AP4E1: variants seen among roughly 807,000 people sequenced by gnomAD.
AP4E1 encodes the protein adaptor related protein complex 4 subunit epsilon 1.
A neutral mutation model predicts 128.2 loss-of-function variants in AP4E1; 56 were observed. The observed-to-expected ratio is 0.44, with a 90% CI of 0.35 to 0.55. The LOEUF is 0.55. AP4E1 is among the 20% of genes least tolerant of loss of function. The probability of loss-of-function intolerance (pLI) is 0.00; values close to 1 mark genes in which losing one functional copy is unlikely to be tolerated. For missense variants in AP4E1, 1,324 were observed against 1,307.7 expected (o/e 1.01, Z -0.19); for synonymous variants, 484 against 473.1 (o/e 1.02, Z -0.30).
At chr15:50,912,792 A>G (rs2063580971) in intron 2 of AP4E1, among the ~76,000 whole-genome samples, 2 of 151,960 alleles carry the variant, frequency 1.3e-5, no homozygotes, top group Admixed American at 6.6e-5. Context: ...CCTCCTGAGT[A>G]ACTGGGACTA....
At position 50,993,259 on chromosome 15, in the gene AP4E1, A is replaced by G. The variant is rs545719182; in HGVS notation, c.2091-111A>G. On this transcript the variant is annotated intron_variant, in intron 16 of 20. Transcript: ENST00000261842. ...CTTCTGGTATATAGAATATAATGTG[A>G]CAGTTGTTTTTAAAAGGCCATGGGC... 7 of 1,106,218 alleles carry G rather than the reference A, an allele frequency of 6.3e-6. No homozygotes were observed. The African/African-American group carries it at 1.1e-4, about 17-fold the overall frequency. The allele number at this position is 1,106,218 out of a possible 1,614,324, so 68.5% of individuals were successfully genotyped here.
intron 13 of AP4E1, among the ~76,000 whole-genome samples, chr15:50,952,282 G>A (rs750872958): frequency 2.6e-5 from 4 of 151,830 alleles, no homozygotes; most frequent in Non-Finnish European, 4.4e-5. Flanking sequence ...ATGCCGAGGT[G>A]GGTGGATCAC....
At position 50,997,392 on chromosome 15, in the gene AP4E1, G is replaced by A. The variant is rs1358780836; in HGVS notation, c.2413G>A (p.Gly805Ser). ...RKSKVKEAKS[G>S]ETTSTHNMTC... ...ATCAAAAGTCAAAGAAGCTAAAAGT[G>A]GCGAAACAACCAGTACTCATAATAT... The change falls in exon 18 of 21, where the codon GGC becomes AGC. Residue 805 changes from glycine (G) to serine (S), a missense_variant. By Grantham distance (56) the Gly-to-Ser change is moderately conservative. Transcript: ENST00000261842. 2 of 1,606,588 alleles carry A rather than the reference G, an allele frequency of 1.2e-6. No individual in the cohort carries two copies. The highest frequency in any genetic ancestry group is 2.2e-5 in the South Asian group (2 of 89,010).
In AP4E1 at chr15:51,001,135, C is replaced by T. The variant is rs2140939455; in HGVS notation, c.3205C>T (p.Leu1069=). The change falls in exon 20 of 21, where the codon CTA becomes TTA. Residue 1069 remains leucine (L), a synonymous_variant. Coordinates refer to ENST00000261842, the MANE Select transcript of AP4E1 (RefSeq NM_007347.5). ...SESQAALPSA[L]KTLQQKLRLH... ...ATCTCAAGCTGCACTTCCTTCTGCA[C>T]TAAAGACTCTGCAACAGAAACTAAG... 3 of 1,613,612 alleles carry T rather than the reference C, an allele frequency of 1.9e-6. No individual in the cohort carries two copies. In the East Asian group the frequency reaches 6.7e-5, roughly 36 times the overall value.
chr15:50,993,314 A>G, intron 16 of AP4E1, 56 bp from the exon 17 acceptor site: 1 of 1,591,086 alleles, frequency 6.3e-7, no homozygotes. Context: ...ATGCCTCAAG[A>G]AAGTAACTAT....
intron 16 of AP4E1, among the ~76,000 whole-genome samples, chr15:50,985,468 A>G (rs2064707299): frequency 6.6e-6 from 1 of 152,154 alleles, no homozygotes; most frequent in African/African-American, 2.4e-5. Context: ...CTTTAATCCC[A>G]TCTTGAATTA....
At chr15:50,930,686 A>C in intron 6 of AP4E1, 119 bp from the exon 7 acceptor site, 1 of 1,026,838 alleles carries the variant, frequency 9.7e-7, no homozygotes, top group Non-Finnish European at 1.5e-6. Flanking sequence ...GCACTGTTTC[A>C]TTAAATGTGA....
At chr15:50,983,890 T>C in intron 15 of AP4E1, 132 bp from the exon 16 acceptor site, 1 of 797,046 alleles carries the variant, frequency 1.3e-6, no homozygotes, top group South Asian at 1.6e-5. Flanking sequence ...GATTAGATCA[T>C]CCTCAAAGTC....
intron 3 of AP4E1, among the ~76,000 whole-genome samples, chr15:50,920,597 A>G (rs2063689593): frequency 6.6e-6 from 1 of 151,134 alleles, no homozygotes; most frequent in Non-Finnish European, 1.5e-5. Context: ...ACGGGGTTTC[A>G]CCGTGTTAGC....
Position 50,947,510 on chromosome 15 carries a change from T to C in AP4E1, c.1177-510T>C, listed in dbSNP as rs1023532304. Among the ~76,000 whole-genome samples, 13 of 152,280 alleles carry C rather than the reference T, an allele frequency of 8.5e-5. No homozygotes were observed. The East Asian group carries it at 2.1e-3, about 25-fold the overall frequency. ...TTGAAGCATTTGAGCCACCAGTCTT[T>C]GTCCATCCAAACAAAACCTGATTGC... On this transcript the variant is annotated intron_variant, in intron 10 of 20. Transcript: ENST00000261842.
At chr15:50,986,790 T>G (rs915514378) in intron 16 of AP4E1, among the ~76,000 whole-genome samples, 145 of 152,176 alleles carry the variant, frequency 9.5e-4, no homozygotes, top group Middle Eastern at 3.4e-3. Flanking sequence ...GTGTCTCTGC[T>G]AGGCTTTGGT....
chr15:50,929,269 A>T, intron 6 of AP4E1, 101 bp downstream of exon 6: 1 of 1,249,804 alleles, frequency 8.0e-7, no homozygotes, highest in Non-Finnish European at 1.1e-6. Flanking sequence ...CTTAGTTAAC[A>T]TTTTATAATT....
At chr15:50,908,978 G>A (rs1247122600) in intron 1 of AP4E1, 50 bp downstream of exon 1, 3 of 1,603,214 alleles carry the variant, frequency 1.9e-6, no homozygotes, top group South Asian at 2.2e-5. Flanking sequence ...TGAGGCCCCC[G>A]CGCCAGGAGG....
chr15:50,908,941 C>G lies in AP4E1; in HGVS notation c.150+13C>G. 2 of 1,610,430 alleles carry G rather than the reference C, an allele frequency of 1.2e-6. No homozygotes were observed. The highest frequency in any genetic ancestry group is 1.7e-6 in the Non-Finnish European group (2 of 1,179,344). On this transcript the variant is annotated intron_variant, in intron 1 of 20. Coordinates refer to ENST00000261842, the MANE Select transcript of AP4E1 (RefSeq NM_007347.5). The stretch of plus-strand genomic sequence containing the variant: ...CACCTCCAAGCACGTAGGTGCCCGC[C>G]GGCCCGGGAGCTCAGGGACATCGGA...
Position 51,002,524 on chromosome 15 carries a change from T to C in AP4E1, c.3276T>C (p.Cys1092=), listed in dbSNP as rs770485576. 6.8e-6 allele frequency: 11 copies of C among 1,614,068 alleles called. No homozygotes were observed. In the African/African-American group the frequency reaches 1.5e-4, roughly 22 times the overall value. ...TAGGCAATGAAGGGCTATTGGCCTGTCAGCTGCTCCCATCCATCCCCTGCT... is the reference window on the plus strand; with the variant it reads ...TAGGCAATGAAGGGCTATTGGCCTGCCAGCTGCTCCCATCCATCCCCTGCT... ...EIIGNEGLLA[C]QLLPSIPCLL... The change falls in exon 21 of 21, where the codon TGT becomes TGC. Residue 1092 remains cysteine, a synonymous_variant. Coordinates refer to ENST00000261842, the MANE Select transcript of AP4E1 (RefSeq NM_007347.5).
chr15:50,942,112 T>A (rs2063996588), intron 10 of AP4E1, among the ~76,000 whole-genome samples: 1 of 152,168 alleles, frequency 6.6e-6, no homozygotes, highest in African/African-American at 2.4e-5. Flanking sequence ...AAACGGGGTT[T>A]CACCATATTG....
chr15:50,958,789 TTGG>T lies in AP4E1; in HGVS notation c.1851_1851+2del, dbSNP rs756464631. 6.2e-7 allele frequency: 1 copy of T among 1,614,108 alleles called. No homozygotes were observed. The highest frequency in any genetic ancestry group is 1.1e-5 in the South Asian group (1 of 91,072). On this transcript the variant is annotated inframe_deletion and splice_region_variant, in exon 14 of 21. Coordinates refer to ENST00000261842, the MANE Select transcript of AP4E1 (RefSeq NM_007347.5). The stretch of plus-strand genomic sequence containing the variant: ...TCCAGTTGACAGGAGTTGTGAAGAC[TTGG>T]TGGTAAGACATTGGTGTTCCATCTT...
intron 16 of AP4E1, among the ~76,000 whole-genome samples, chr15:50,991,266 C>T (rs551914787): frequency 5.1e-4 from 77 of 152,272 alleles, no homozygotes; most frequent in Non-Finnish European, 9.1e-4. Context: ...TCCTCCACAT[C>T]GGCCTTTTGT....
In AP4E1 at chr15:50,941,784, G is replaced by A. The variant is rs1360086204; in HGVS notation, c.1176+9G>A. ...CCATTATTAAAAGAGAGGTAAACTGGTATTTTGAATAGTATATGTGAAGTG... is the reference window on the plus strand; with the variant it reads ...CCATTATTAAAAGAGAGGTAAACTGATATTTTGAATAGTATATGTGAAGTG... On this transcript the variant is annotated intron_variant, in intron 10 of 20. Coordinates refer to ENST00000261842, the MANE Select transcript of AP4E1 (RefSeq NM_007347.5). The A allele has an allele frequency of 1.3e-6, 2 of 1,592,806 alleles. No individual in the cohort carries two copies. Among genetic ancestry groups the A allele is most frequent in the Non-Finnish European group, 1.7e-6 (2 of 1,161,256 alleles).
Sources: allele counts gnomAD v4.1 joint callset (sites outside exome capture counted in the v4.1 genomes callset), GRCh38; gene constraint gnomAD v4.1.1; transcripts MANE v1.5; gene names NCBI Gene and HGNC (gene_info 2026-07-23, HGNC 2026-07-21).